The following AGBL4 variants were observed in gnomAD, a reference collection of about 807,000 sequenced individuals.
AGBL4 encodes the protein AGBL carboxypeptidase 4.
A neutral mutation model predicts 66.4 loss-of-function variants in AGBL4; 58 were observed. The observed-to-expected ratio is 0.87, with a 90% CI of 0.71 to 1.09. AGBL4 has a LOEUF of 1.09. AGBL4 is among the 50% of genes least tolerant of loss of function. The probability of loss-of-function intolerance (pLI) is 0.00; values close to 1 mark genes in which losing one functional copy is unlikely to be tolerated. For synonymous variants in AGBL4, 234 were observed against 222.9 expected (o/e 1.05, Z -0.44); for missense variants, 579 against 631.0 (o/e 0.92, Z 0.88).
rs1314126154 is a variant in AGBL4 at position 49,239,098 on chromosome 1, T to A, written c.377+6672A>T. 2.6e-5 allele frequency among the ~76,000 whole-genome samples: 4 copies of A among 152,300 alleles called. No homozygotes were observed. The East Asian group carries it at 7.7e-4, about 29-fold the overall frequency. ...TTTCTTTTTAATGCAGAAATATTTG[T>A]TTTTGAAAACTTGATTTTAGGGCAT... On this transcript the variant is annotated intron_variant, in intron 4 of 13. Transcript: ENST00000371839.
chr1:49,328,410 A>C (rs974128907), intron 3 of AGBL4, among the ~76,000 whole-genome samples: 9 of 152,180 alleles, frequency 5.9e-5, no homozygotes, highest in African/African-American at 2.2e-4. Flanking sequence ...AATTTTAAGC[A>C]AATTTATTCT....
intron 3 of AGBL4, among the ~76,000 whole-genome samples, chr1:49,490,914 T>C (rs1448837550): frequency 6.6e-6 from 1 of 151,830 alleles, no homozygotes; most frequent in East Asian, 1.9e-4. Flanking sequence ...CCTACCTGTG[T>C]AATTTTGGAT....
At chr1:48,821,570 T>C (rs558037174) in intron 6 of AGBL4, among the ~76,000 whole-genome samples, 13 of 151,922 alleles carry the variant, frequency 8.6e-5, no homozygotes, top group African/African-American at 1.2e-4. Flanking sequence ...AAGATGAAAA[T>C]AACAGACACT....
At chr1:49,464,370 CTTCT>C (rs1318726690) in intron 3 of AGBL4, among the ~76,000 whole-genome samples, 2 of 151,730 alleles carry the variant, frequency 1.3e-5, no homozygotes, top group African/African-American at 4.8e-5. Context: ...TTATTTACTC[CTTCT>C]TTATCTGTGA....
At chr1:49,664,334 C>A (rs974115384) in intron 3 of AGBL4, among the ~76,000 whole-genome samples, 1 of 151,846 alleles carries the variant, frequency 6.6e-6, no homozygotes, top group Non-Finnish European at 1.5e-5. Context: ...CTTCTCTATA[C>A]CATGTTAACT....
intron 10 of AGBL4, among the ~76,000 whole-genome samples, chr1:48,587,691 G>A (rs9659902): frequency 0.13 from 19,158 of 151,220 alleles, 1,310 homozygotes; most frequent in Admixed American, 0.17. Flanking sequence ...CACCCAGGCT[G>A]GAGTACAGTG....
intron 2 of AGBL4, among the ~76,000 whole-genome samples, chr1:49,780,634 A>G (rs1644314959): frequency 6.6e-6 from 1 of 152,304 alleles, no homozygotes; most frequent in East Asian, 1.9e-4. Context: ...TAAATTTTCA[A>G]TATCATTGGA....
At chr1:49,724,235 T>C (rs1225861081) in intron 2 of AGBL4, among the ~76,000 whole-genome samples, 3 of 152,122 alleles carry the variant, frequency 2.0e-5, no homozygotes, top group African/African-American at 4.8e-5. Flanking sequence ...CTAATGGAAA[T>C]GTTCAAGAAG....
intron 4 of AGBL4, among the ~76,000 whole-genome samples, chr1:49,101,627 A>T (rs1645203837): frequency 6.6e-6 from 1 of 152,172 alleles, no homozygotes; most frequent in African/African-American, 2.4e-5. Context: ...ACTCTTTGAC[A>T]GTGTGAAATT....
intron 3 of AGBL4, among the ~76,000 whole-genome samples, chr1:49,566,788 G>C (rs1021381282): frequency 7.4e-6 from 1 of 134,984 alleles, no homozygotes; most frequent in Non-Finnish European, 1.7e-5. Context: ...CAGATCTCAA[G>C]CTGCGTGCTG....
chr1:48,812,799 T>C (rs1646083275), intron 6 of AGBL4, among the ~76,000 whole-genome samples: 1 of 152,158 alleles, frequency 6.6e-6, no homozygotes, highest in African/African-American at 2.4e-5. Context: ...GATGAGTTCA[T>C]GTCCTTTGTA....
chr1:48,873,656 G>A (rs902440869), intron 5 of AGBL4, among the ~76,000 whole-genome samples: 3 of 152,104 alleles, frequency 2.0e-5, no homozygotes, highest in African/African-American at 7.2e-5. Context: ...ACTAAACAGG[G>A]TCCCACTGAA....
chr1:49,206,557 T>C (rs1182723620), intron 4 of AGBL4, among the ~76,000 whole-genome samples: 2 of 152,106 alleles, frequency 1.3e-5, no homozygotes, highest in East Asian at 1.9e-4. Context: ...ACTATCCTTA[T>C]ACATATTCTT....
intron 1 of AGBL4, among the ~76,000 whole-genome samples, chr1:49,904,661 A>G (rs1346076468): frequency 2.0e-5 from 3 of 152,162 alleles, no homozygotes; most frequent in African/African-American, 2.4e-5. Flanking sequence ...TAATCAAATC[A>G]TATGTTCTAT....
At chr1:49,812,207 A>G (rs573633453) in intron 2 of AGBL4, among the ~76,000 whole-genome samples, 1 of 152,180 alleles carries the variant, frequency 6.6e-6, no homozygotes, top group African/African-American at 2.4e-5. Flanking sequence ...CTGCTTACAA[A>G]TATAATCATT....
At chr1:49,133,479 A>G (rs1200030954) in intron 4 of AGBL4, among the ~76,000 whole-genome samples, 1 of 152,218 alleles carries the variant, frequency 6.6e-6, no homozygotes, top group Non-Finnish European at 1.5e-5. Context: ...AAATATCAAA[A>G]ACATATGAAA....
intron 5 of AGBL4, among the ~76,000 whole-genome samples, chr1:48,960,202 A>G (rs995178088): frequency 3.3e-5 from 5 of 152,166 alleles, no homozygotes; most frequent in Non-Finnish European, 7.3e-5. Context: ...TCATAGAACC[A>G]ATAAGATATT....
intron 3 of AGBL4, among the ~76,000 whole-genome samples, chr1:49,523,301 A>T (rs1650409277): frequency 6.6e-6 from 1 of 151,924 alleles, no homozygotes; most frequent in Non-Finnish European, 1.5e-5. Flanking sequence ...AAATAAGAAG[A>T]CCTTAACTCT....
chr1:49,428,517 T>A (rs188105783), intron 3 of AGBL4, among the ~76,000 whole-genome samples: 9 of 152,196 alleles, frequency 5.9e-5, no homozygotes, highest in Admixed American at 5.9e-4. Context: ...GCAGCAGAGG[T>A]CTAGCCAGCT....
Sources: allele counts gnomAD v4.1 joint callset (sites outside exome capture counted in the v4.1 genomes callset), GRCh38; gene constraint gnomAD v4.1.1; transcripts MANE v1.5; gene names NCBI Gene and HGNC (gene_info 2026-07-23, HGNC 2026-07-21).